The following HERC4 variants were observed in gnomAD, a reference collection of about 807,000 sequenced individuals.
HERC4 encodes the protein probable E3 ubiquitin-protein ligase HERC4.
Under a neutral mutation model 124.3 loss-of-function variants are expected in HERC4, and 28 were observed. That is an observed-to-expected ratio of 0.23 (90% CI 0.17 to 0.31). HERC4 has a LOEUF of 0.31. HERC4 is among the 10% of genes least tolerant of loss of function. The pLI is 1.00. For synonymous variants in HERC4, 407 were observed against 421.5 expected, an observed-to-expected ratio of 0.97 and a Z score of 0.42; for missense variants, 713 against 1,229.3, an observed-to-expected ratio of 0.58 and a Z score of 6.28.
At chr10:68,073,728 T>C (rs1252014650) in intron 1 of HERC4, 42 bp from the exon 2 acceptor site, 1 of 152,154 alleles carries the variant, frequency 6.6e-6, no homozygotes, top group Non-Finnish European at 1.5e-5. Flanking sequence ...TTAAAGCAAT[T>C]TTCCACAATT....
chr10:68,025,411 T>C (rs1428985558), intron 8 of HERC4, 135 bp downstream of exon 8: 2 of 877,428 alleles, frequency 2.3e-6, no homozygotes, highest in Non-Finnish European at 3.4e-6. Flanking sequence ...TTACTATGAC[T>C]CCTCAGTGGC....
intron 9 of HERC4, among the ~76,000 whole-genome samples, chr10:67,995,505 T>C (rs1294203013): frequency 5.3e-5 from 8 of 152,216 alleles, no homozygotes; most frequent in East Asian, 1.9e-4. Flanking sequence ...ATAAATTTCT[T>C]CTTTTAGGAA....
Position 68,072,903 on chromosome 10 carries a change from T to C in HERC4, c.206A>G (p.Glu69Gly). ...GCNDLGQLGH[E>G]KSRKKPEQVV... ...CTTACCTGGTTTCTTTCTGGATTTTTCATGACCTAGCTGTCCTAGATCATT... is the reference window on the plus strand; with the variant it reads ...CTTACCTGGTTTCTTTCTGGATTTTCCATGACCTAGCTGTCCTAGATCATT... Residue 69 changes from glutamate to glycine, a missense_variant, in exon 3 of 25, where the codon GAA becomes GGA. Transcript: ENST00000373700. The C allele has an allele frequency of 6.4e-7, 1 of 1,572,984 alleles. No individual in the cohort carries two copies. The highest frequency in any genetic ancestry group is 8.6e-7 in the Non-Finnish European group (1 of 1,161,714).
At chr10:67,992,769 A>AAAAAAATAAATGGCCGCTCCCCTCTCCCC in intron 9 of HERC4, 87 bp from the exon 10 acceptor site, 1 of 677,134 alleles carries the variant, frequency 1.5e-6, no homozygotes. Context: ...TCACATAATC[A>AAAAAAATAAATGGCCGCTCCCCTCTCCCC]TCTTATTTAA....
chr10:67,938,966 A>C (rs2032637938), intron 21 of HERC4, among the ~76,000 whole-genome samples: 1 of 152,036 alleles, frequency 6.6e-6, no homozygotes, highest in African/African-American at 2.4e-5. Flanking sequence ...CAAAACAAAA[A>C]AAACCACATC....
chr10:68,034,441 T>C (rs1390677239), intron 5 of HERC4, among the ~76,000 whole-genome samples: 1 of 152,170 alleles, frequency 6.6e-6, no homozygotes, highest in Admixed American at 6.6e-5. Flanking sequence ...GTGAATCACA[T>C]AACAAGGAAT....
intron 15 of HERC4, among the ~76,000 whole-genome samples, chr10:67,974,971 A>G (rs1208425605): frequency 3.3e-5 from 5 of 152,092 alleles, no homozygotes; most frequent in Admixed American, 6.6e-5. Flanking sequence ...TGGTTGGATC[A>G]TGAGGTCAGG....
chr10:67,947,154 C>T lies in HERC4; in HGVS notation c.2338-6049G>A, dbSNP rs147324195. ...ACAGATATTTATAGGACATTTCATC[C>T]AGCAGCTGAAGAATACACATTGTTC... On this transcript the variant is annotated intron_variant, in intron 19 of 24. Transcript: ENST00000373700. Among the ~76,000 whole-genome samples, 5 of 152,266 alleles carry T rather than the reference C, an allele frequency of 3.3e-5. No individual in the cohort carries two copies. The East Asian group carries it at 9.6e-4, about 29-fold the overall frequency.
At chr10:68,003,505 T>A (rs919200144) in intron 9 of HERC4, among the ~76,000 whole-genome samples, 1 of 151,822 alleles carries the variant, frequency 6.6e-6, no homozygotes. Flanking sequence ...CCTCACTTCC[T>A]CCCCTTACCC....
intron 8 of HERC4, among the ~76,000 whole-genome samples, chr10:68,017,417 T>C (rs1254570283): frequency 6.6e-6 from 1 of 152,266 alleles, no homozygotes; most frequent in Non-Finnish European, 1.5e-5. Flanking sequence ...TACTATTATA[T>C]GTCACTGACA....
In HERC4 at chr10:68,051,691, CT is replaced by C. The variant is rs779623868; in HGVS notation, c.227-7129del. On this transcript the variant is annotated intron_variant, in intron 3 of 24. Coordinates refer to ENST00000373700, the MANE Select transcript of HERC4 (RefSeq NM_015601.4). ...ACACTATTCTTTCAACTTTTCTTTT[CT>C]TTTTTTTTTTTTTTTGAGACAGGAT... Among the ~76,000 whole-genome samples, 295 of 109,618 alleles carry C rather than the reference CT, an allele frequency of 2.7e-3. 1 individual carries two copies. Among genetic ancestry groups the C allele is most frequent in the African/African-American group, 5.3e-3 (157 of 29,820 alleles). The allele number at this position is 109,618 out of a possible 152,430, so 71.9% of individuals were successfully genotyped here. A position where few individuals can be genotyped will look rare whatever the true frequency, so the allele number is the denominator to read the frequency against.
chr10:67,997,873 A>G (rs1035468471), intron 9 of HERC4, among the ~76,000 whole-genome samples: 14 of 152,074 alleles, frequency 9.2e-5, no homozygotes, highest in African/African-American at 2.9e-4. Flanking sequence ...TGCAGATTCA[A>G]TCAACCATGC....
intron 4 of HERC4, among the ~76,000 whole-genome samples, chr10:68,038,936 C>T (rs1036593488): frequency 2.6e-5 from 4 of 152,076 alleles, no homozygotes; most frequent in African/African-American, 7.2e-5. Flanking sequence ...ACCATCCCAG[C>T]ATCTCCATTG....
rs554766822 is a variant in HERC4, at chr10:67,952,215, T to G, written c.2337+2380A>C. 1.1e-4 allele frequency among the ~76,000 whole-genome samples: 16 copies of G among 152,354 alleles called. No homozygotes were observed. The East Asian group carries it at 2.9e-3, about 28-fold the overall frequency. On this transcript the variant is annotated intron_variant, in intron 19 of 24. Transcript: ENST00000373700. ...AACTCCCTTGCCTTTTACTCCCTTCTGTGTTACATTCACTTGTTAAAACCA... is the reference window on the plus strand; with the variant it reads ...AACTCCCTTGCCTTTTACTCCCTTCGGTGTTACATTCACTTGTTAAAACCA...
rs57454971 is a variant in HERC4, at chr10:67,974,073, TACACACACACACACACAC to T, written c.1807-7289_1807-7272del. The stretch of plus-strand genomic sequence containing the variant: ...AAAAAAAAAAAAAAAAAAATTACTG[TACACACACACACACACAC>T]ACACACACACACACACACACACACA... On this transcript the variant is annotated intron_variant, in intron 15 of 24. Coordinates refer to ENST00000373700, the MANE Select transcript of HERC4 (RefSeq NM_015601.4). Among the ~76,000 whole-genome samples, 751 of 96,050 alleles carry T rather than the reference TACACACACACACACACAC, an allele frequency of 7.8e-3. 8 individuals are homozygous for T. Among genetic ancestry groups the T allele is most frequent in the Non-Finnish European group, 0.011 (548 of 49,812 alleles). 63.0% of individuals were successfully genotyped at this position (96,050 alleles called of 152,430 possible). A position where few individuals can be genotyped will look rare whatever the true frequency, so the allele number is the denominator to read the frequency against.
chr10:68,039,504 G>A lies in HERC4; in HGVS notation c.387-1335C>T. 5 of 1,550,442 alleles carry A rather than the reference G, an allele frequency of 3.2e-6. 1 individual carries two copies. The South Asian group carries it at 4.8e-5, about 15-fold the overall frequency. ...CGGGAAGCAGCTTCAGCAAATCAAAGTTTGAGCAGGAAAAAGGAGAGTTAC... is the reference window on the plus strand; with the variant it reads ...CGGGAAGCAGCTTCAGCAAATCAAAATTTGAGCAGGAAAAAGGAGAGTTAC... On this transcript the variant is annotated intron_variant, in intron 4 of 24. Transcript: ENST00000373700.
chr10:68,013,671 G>A (rs1358317192), intron 9 of HERC4, among the ~76,000 whole-genome samples: 2 of 152,120 alleles, frequency 1.3e-5, no homozygotes, highest in Non-Finnish European at 2.9e-5. Flanking sequence ...ACATAATAAC[G>A]TGAATATGCT....
At chr10:67,963,328 T>C (rs1184626103) in intron 16 of HERC4, among the ~76,000 whole-genome samples, 2 of 152,192 alleles carry the variant, frequency 1.3e-5, no homozygotes, top group Non-Finnish European at 2.9e-5. Flanking sequence ...GCCATTCTCC[T>C]GCCTCAGCCT....
chr10:67,989,336 G>A (rs1385039952), intron 14 of HERC4, among the ~76,000 whole-genome samples: 1 of 152,032 alleles, frequency 6.6e-6, no homozygotes, highest in Non-Finnish European at 1.5e-5. Context: ...AATGTAAAGT[G>A]TAACATATGG....
Sources: gnomAD v4.1 joint callset for allele counts (sites outside exome capture counted in the v4.1 genomes callset) on GRCh38, gnomAD v4.1.1 for gene constraint, MANE v1.5 for transcripts, NCBI Gene and HGNC (gene_info 2026-07-23, HGNC 2026-07-21) for gene names.